The following TRIO variants were observed in gnomAD, a reference collection of about 807,000 sequenced individuals.
TRIO encodes trio Rho guanine nucleotide exchange factor, also known as triple functional domain protein.
TRIO carries 58 observed loss-of-function variants against 351.9 expected under a neutral mutation model. The ratio of observed to expected loss-of-function variants is 0.16; its 90% CI spans 0.13 to 0.21. The LOEUF is 0.21. Ranked by LOEUF, TRIO falls within the 10% of genes least tolerant of loss-of-function variation. The pLI, the probability that TRIO is intolerant of heterozygous loss-of-function variation, is 1.00. For missense variants in TRIO, 3,201 were observed against 4,027.8 expected, an observed-to-expected ratio of 0.79 and a Z score of 5.56; for synonymous variants, 1,758 against 1,595.7, an observed-to-expected ratio of 1.10 and a Z score of -2.42.
chr5:14,371,175 TAA>T (rs1365049481), intron 18 of TRIO, among the ~76,000 whole-genome samples: 1 of 152,256 alleles, frequency 6.6e-6, no homozygotes, highest in Non-Finnish European at 1.5e-5. Flanking sequence ...GTAACTAGGC[TAA>T]GTTAAACTGT....
intron 1 of TRIO, among the ~76,000 whole-genome samples, chr5:14,266,834 C>A (rs1795708815): frequency 6.6e-6 from 1 of 152,198 alleles, no homozygotes; most frequent in African/African-American, 2.4e-5. Context: ...TGTAAACATT[C>A]TGAACATAGT....
At chr5:14,298,409 G>A (rs1364410177) in intron 7 of TRIO, among the ~76,000 whole-genome samples, 1 of 152,140 alleles carries the variant, frequency 6.6e-6, no homozygotes, top group Non-Finnish European at 1.5e-5. Flanking sequence ...ACATATATGG[G>A]GTAGAGGAAA....
At chr5:14,406,463 C>A in intron 32 of TRIO, 110 bp from the exon 33 acceptor site, 1 of 989,058 alleles carries the variant, frequency 1.0e-6, no homozygotes, top group Non-Finnish European at 1.6e-6. Flanking sequence ...ATCCTGGCAG[C>A]AGCAGGCACT....
chr5:14,243,253 C>T (rs538450535), intron 1 of TRIO, among the ~76,000 whole-genome samples: 2 of 152,206 alleles, frequency 1.3e-5, no homozygotes, highest in East Asian at 3.9e-4. Flanking sequence ...CTCCCCCCTC[C>T]CTCTCCATTC....
intron 10 of TRIO, among the ~76,000 whole-genome samples, chr5:14,331,887 C>T (rs1740933660): frequency 6.6e-6 from 1 of 152,142 alleles, no homozygotes; most frequent in Non-Finnish European, 1.5e-5. Context: ...GAATAGCCAT[C>T]GTGCATTTTC....
chr5:14,412,241 G>A (rs964063144), intron 33 of TRIO, among the ~76,000 whole-genome samples: 5 of 152,110 alleles, frequency 3.3e-5, no homozygotes, highest in Admixed American at 6.5e-5. Flanking sequence ...ACCTGCCTCG[G>A]CCTCCCAAAG....
intron 56 of TRIO, among the ~76,000 whole-genome samples, chr5:14,507,576 C>T: frequency 6.6e-6 from 1 of 152,124 alleles, no homozygotes; most frequent in East Asian, 1.9e-4. Flanking sequence ...AGAGCATTCC[C>T]CTTGGTGCTG....
intron 54 of TRIO, among the ~76,000 whole-genome samples, chr5:14,504,031 C>T (rs1054333043): frequency 1.3e-5 from 2 of 152,224 alleles, no homozygotes; most frequent in Admixed American, 6.5e-5. Context: ...TGACGGGAGG[C>T]GTGAGCAGCC....
At chr5:14,168,417 A>T (rs1326014377) in intron 1 of TRIO, among the ~76,000 whole-genome samples, 1 of 152,268 alleles carries the variant, frequency 6.6e-6, no homozygotes, top group African/African-American at 2.4e-5. Context: ...TCATATTTTT[A>T]AAATAGGAGA....
chr5:14,202,252 C>T (rs1029201538), intron 1 of TRIO, among the ~76,000 whole-genome samples: 2 of 141,350 alleles, frequency 1.4e-5, no homozygotes, highest in Non-Finnish European at 3.0e-5. Context: ...TGGACCAACA[C>T]AAATTCATAA....
chr5:14,322,730 T>C (rs1026264481), intron 9 of TRIO, among the ~76,000 whole-genome samples: 3 of 152,224 alleles, frequency 2.0e-5, no homozygotes, highest in Non-Finnish European at 2.9e-5. Flanking sequence ...GTCATCAGAA[T>C]CATATAGCCC....
chr5:14,323,438 T>G (rs1211672627), intron 9 of TRIO, among the ~76,000 whole-genome samples: 1 of 152,048 alleles, frequency 6.6e-6, no homozygotes, highest in Non-Finnish European at 1.5e-5. Flanking sequence ...AATCTTTGAG[T>G]GGTGCTTTTA....
At chr5:14,340,269 C>T (rs910136788) in intron 11 of TRIO, among the ~76,000 whole-genome samples, 6 of 151,872 alleles carry the variant, frequency 4.0e-5, no homozygotes, top group Non-Finnish European at 7.4e-5. Context: ...TGGTGGCGGG[C>T]GCCTGTAGTC....
At chr5:14,243,263 C>T (rs1354758848) in intron 1 of TRIO, among the ~76,000 whole-genome samples, 1 of 151,908 alleles carries the variant, frequency 6.6e-6, no homozygotes, top group African/African-American at 2.4e-5. Flanking sequence ...CCTCTCCATT[C>T]GTGTGTACCC....
At chr5:14,506,978 T>A (rs1427866823) in intron 55 of TRIO, 144 bp from the exon 56 acceptor site, 1 of 1,135,280 alleles carries the variant, frequency 8.8e-7, no homozygotes, top group Non-Finnish European at 1.2e-6. Context: ...CCTCCTTGTC[T>A]AGTCACGCCT....
intron 34 of TRIO, among the ~76,000 whole-genome samples, chr5:14,423,015 C>T (rs555718063): frequency 2.6e-5 from 4 of 152,204 alleles, no homozygotes; most frequent in Non-Finnish European, 4.4e-5. Flanking sequence ...TTGCATGTCC[C>T]GGTGTCCTTT....
chr5:14,327,055 TAAAAG>T (rs1399336124), intron 9 of TRIO, among the ~76,000 whole-genome samples: 3 of 152,266 alleles, frequency 2.0e-5, no homozygotes, highest in South Asian at 2.1e-4. Flanking sequence ...GAATCACTGT[TAAAAG>T]AAAAATGCCC....
intron 46 of TRIO, 38 bp from the exon 47 acceptor site, chr5:14,485,031 C>A: frequency 1.3e-6 from 2 of 1,496,874 alleles, no homozygotes; most frequent in Non-Finnish European, 1.8e-6. Context: ...TCCTTTCCAC[C>A]TGTTAGCTAT....
intron 13 of TRIO, among the ~76,000 whole-genome samples, chr5:14,360,011 ACCTTCTCTCTCTCCT>A (rs1203454459): frequency 6.7e-6 from 1 of 148,454 alleles, no homozygotes; most frequent in African/African-American, 2.5e-5. Flanking sequence ...CTCTCTCTCC[ACCTTCTCTCTCTCCT>A]ACCTTTTCTC....
Sources: allele counts gnomAD v4.1 joint callset (sites outside exome capture counted in the v4.1 genomes callset), GRCh38; gene constraint gnomAD v4.1.1; transcripts MANE v1.5; gene names NCBI Gene and HGNC (gene_info 2026-07-23, HGNC 2026-07-21).